Variants in SLIT2 observed in about 807,000 individuals in gnomAD.
SLIT2 encodes the protein slit homolog 2 protein.
A neutral mutation model predicts 185.7 loss-of-function variants in SLIT2; 41 were observed. The observed-to-expected ratio is 0.22, with a 90% confidence interval of 0.17 to 0.29. The LOEUF (loss-of-function observed/expected upper bound fraction) is 0.29, where lower values mean the gene tolerates loss of function less well. Among genes scored for constraint, SLIT2 ranks in the 10% least tolerant of loss-of-function variants. The probability of loss-of-function intolerance (pLI) is 1.00; values close to 1 mark genes in which losing one functional copy is unlikely to be tolerated. For missense variants in SLIT2, 1,571 were observed against 1,909.0 expected, an observed-to-expected ratio of 0.82 and a Z score of 3.30; for synonymous variants, 693 against 680.2, an observed-to-expected ratio of 1.02 and a Z score of -0.29.
chr4:20,512,722 G>T (rs1345612568), intron 11 of SLIT2, among the ~76,000 whole-genome samples: 5 of 152,134 alleles, frequency 3.3e-5, no homozygotes, highest in Non-Finnish European at 5.9e-5. Context: ...AGGCAAATCA[G>T]CATGTCAGTT....
chr4:20,541,656 T>TG, intron 20 of SLIT2, 37 bp downstream of exon 20: 1 of 1,559,512 alleles, frequency 6.4e-7, no homozygotes, highest in Non-Finnish European at 8.8e-7. Context: ...TTGTCAGGCA[T>TG]TCACATGCCT....
At chr4:20,359,980 G>A (rs1722614237) in intron 4 of SLIT2, among the ~76,000 whole-genome samples, 1 of 152,106 alleles carries the variant, frequency 6.6e-6, no homozygotes, top group African/African-American at 2.4e-5. Context: ...AGAAGAAAGA[G>A]TATTCAGTGA....
At chr4:20,477,798 T>G (rs150119634) in intron 5 of SLIT2, among the ~76,000 whole-genome samples, 1 of 152,326 alleles carries the variant, frequency 6.6e-6, no homozygotes, top group Non-Finnish European at 1.5e-5. Flanking sequence ...CATAATATTT[T>G]TTTTGAAGAA....
At chr4:20,295,920 C>G (rs960882325) in intron 4 of SLIT2, among the ~76,000 whole-genome samples, 1 of 152,170 alleles carries the variant, frequency 6.6e-6, no homozygotes, top group Admixed American at 6.5e-5. Context: ...TTAACATGTT[C>G]TTTGCCACAG....
chr4:20,437,666 A>G (rs772666121), intron 4 of SLIT2, among the ~76,000 whole-genome samples: 5 of 151,866 alleles, frequency 3.3e-5, no homozygotes, highest in Non-Finnish European at 7.4e-5. Context: ...TAATCCCAGC[A>G]CTTTGGGATG....
intron 9 of SLIT2, among the ~76,000 whole-genome samples, chr4:20,507,676 A>C (rs1719333735): frequency 6.6e-6 from 1 of 151,698 alleles, no homozygotes; most frequent in African/African-American, 2.4e-5. Context: ...GAATGAATTA[A>C]TGATTATTGG....
At chr4:20,435,706 A>G (rs1412250498) in intron 4 of SLIT2, among the ~76,000 whole-genome samples, 1 of 152,190 alleles carries the variant, frequency 6.6e-6, no homozygotes, top group African/African-American at 2.4e-5. Flanking sequence ...TTTTTATTTG[A>G]AGAATAACAG....
At chr4:20,349,364 G>C (rs1721685838) in intron 4 of SLIT2, among the ~76,000 whole-genome samples, 1 of 152,174 alleles carries the variant, frequency 6.6e-6, no homozygotes, top group Non-Finnish European at 1.5e-5. Flanking sequence ...GATGTGCACA[G>C]CTATTGGGCT....
intron 28 of SLIT2, 121 bp downstream of exon 28, chr4:20,567,736 CAATATGT>C: frequency 1.4e-6 from 1 of 739,004 alleles, no homozygotes; most frequent in Non-Finnish European, 2.4e-6. Flanking sequence ...AGAGAAATGG[CAATATGT>C]ATTGGTCCCT....
At chr4:20,279,039 T>G (rs1389392155) in intron 4 of SLIT2, among the ~76,000 whole-genome samples, 1 of 152,102 alleles carries the variant, frequency 6.6e-6, no homozygotes, top group Non-Finnish European at 1.5e-5. Context: ...GCTCAGAAAC[T>G]AAAAAGAAAT....
At chr4:20,611,906 C>T (rs1475443227) in intron 34 of SLIT2, among the ~76,000 whole-genome samples, 2 of 152,132 alleles carry the variant, frequency 1.3e-5, no homozygotes, top group Non-Finnish European at 2.9e-5. Flanking sequence ...GACTCCAAAG[C>T]CACCTGCATT....
chr4:20,373,727 C>A (rs1235026321), intron 4 of SLIT2, among the ~76,000 whole-genome samples: 1 of 151,964 alleles, frequency 6.6e-6, no homozygotes, highest in African/African-American at 2.4e-5. Context: ...TAAGTGAAAC[C>A]CAATTGCATA....
rs1725200800 is a variant in SLIT2, at chr4:20,567,543, A to T, written c.2876A>T (p.His959Leu). ...GGGCAGGACTGTGATGTCCCAATTC[A>T]TGCCTGCATCAGTAACCCATGTAAA... ...FKGQDCDVPI[H>L]ACISNPCKHG... The change falls in exon 28 of 37, where the codon CAT (histidine) becomes CTT (leucine). Residue 959 changes from histidine to leucine, a missense_variant. Physicochemically the swap from His to Leu is moderately conservative, Grantham distance 99. Around this residue, in one of 3 missense-constraint regions of SLIT2, gnomAD observed 1,202 missense variants for 1,416.4 expected, o/e 0.85. Coordinates refer to ENST00000504154, the MANE Select transcript of SLIT2 (RefSeq NM_004787.4). 1 of 1,613,400 alleles carries T rather than the reference A, an allele frequency of 6.2e-7. No individual in the cohort carries two copies. Among genetic ancestry groups the T allele is most frequent in the East Asian group, 2.2e-5 (1 of 44,848 alleles).
intron 32 of SLIT2, among the ~76,000 whole-genome samples, chr4:20,597,509 T>C (rs1728081189): frequency 6.6e-6 from 1 of 152,232 alleles, no homozygotes; most frequent in Admixed American, 6.5e-5. Flanking sequence ...CTGCACTAGA[T>C]TAAAGATAAT....
intron 4 of SLIT2, among the ~76,000 whole-genome samples, chr4:20,346,899 C>T (rs182803617): frequency 6.6e-6 from 1 of 152,294 alleles, no homozygotes; most frequent in East Asian, 1.9e-4. Flanking sequence ...CTGCTTTTAT[C>T]CTAGCCAAGC....
At chr4:20,288,461 C>T (rs1378877440) in intron 4 of SLIT2, among the ~76,000 whole-genome samples, 1 of 152,230 alleles carries the variant, frequency 6.6e-6, no homozygotes, top group African/African-American at 2.4e-5. Context: ...GTGTGCATGA[C>T]AATGAGGAAA....
At position 20,296,112 on chromosome 4, in the gene SLIT2, T is replaced by C. The variant is rs565777253; in HGVS notation, c.395+27231T>C. ...AGAAAGACTAACAAGCTAGACAAAT[T>C]AATTTCTCCTTTTGTTATGCTTATG... On this transcript the variant is annotated intron_variant, in intron 4 of 36. Transcript: ENST00000504154. Among the ~76,000 whole-genome samples, 12 of 152,352 alleles carry C rather than the reference T, an allele frequency of 7.9e-5. No individual in the cohort carries two copies. In the East Asian group the frequency reaches 2.1e-3, roughly 27 times the overall value.
At chr4:20,400,842 G>C (rs761523131) in intron 4 of SLIT2, among the ~76,000 whole-genome samples, 9 of 151,748 alleles carry the variant, frequency 5.9e-5, no homozygotes, top group Non-Finnish European at 1.3e-4. Flanking sequence ...GAAGAATTGA[G>C]AATTTCAGAT....
chr4:20,340,662 G>A (rs1399727843), intron 4 of SLIT2, among the ~76,000 whole-genome samples: 2 of 152,068 alleles, frequency 1.3e-5, no homozygotes, highest in African/African-American at 4.8e-5. Flanking sequence ...GTGCAGCGGC[G>A]AGATCTCAGT....
Sources: gnomAD v4.1 joint callset for allele counts (sites outside exome capture counted in the v4.1 genomes callset) on GRCh38, gnomAD v4.1.1 for gene constraint, gnomAD v4.1.1 regional missense constraint, MANE v1.5 for transcripts, NCBI Gene and HGNC (gene_info 2026-07-23, HGNC 2026-07-21) for gene names.